The following CT55 variants were observed in gnomAD, a reference collection of about 807,000 sequenced individuals.
The protein encoded by CT55 is cancer/testis antigen 55.
CT55 carries 1 observed loss-of-function variant against 12.6 expected under a neutral mutation model. The observed-to-expected ratio is 0.08, with a 90% CI of 0.03 to 0.38. CT55 has a LOEUF of 0.38. Among genes scored for constraint, CT55 ranks in the 10% least tolerant of loss-of-function variants. The pLI is 0.99. For synonymous variants in CT55, 43 were observed against 49.7 expected, an observed-to-expected ratio of 0.87 and a Z score of 0.57; for missense variants, 109 against 135.4, an observed-to-expected ratio of 0.80 and a Z score of 0.97.
chrX:135,161,570 A>G (rs782192764), intron 2 of CT55, among the ~76,000 whole-genome samples: 2 of 112,305 alleles, frequency 1.8e-5, no homozygotes, highest in Admixed American at 1.9e-4. Flanking sequence ...AATCCCAATT[A>G]ATGGATGTGC....
intron 1 of CT55, 69 bp from the exon 2 acceptor site, chrX:135,169,847 C>T (rs2083603106): frequency 6.2e-5 from 48 of 770,445 alleles, no homozygotes; most frequent in Non-Finnish European, 8.5e-5. Flanking sequence ...GTAAGTCTTA[C>T]ACTCACCATC....
At chrX:135,162,854 C>T (rs782229017) in intron 2 of CT55, among the ~76,000 whole-genome samples, 1 of 111,579 alleles carries the variant, frequency 9.0e-6, no homozygotes, top group Non-Finnish European at 1.9e-5. Flanking sequence ...ATTCCAGTGG[C>T]CTTATGCTCA....
In CT55 at chrX:135,160,546, C is replaced by T. The variant is rs782114901; in HGVS notation, c.289G>A (p.Val97Met). The T allele has an allele frequency of 8.4e-7, 1 of 1,184,337 alleles. No individual in the cohort carries two copies. Among genetic ancestry groups the T allele is most frequent in the Admixed American group, 2.6e-5 (1 of 38,966 alleles). Residue 97 changes from valine to methionine, a missense_variant, in exon 3 of 6, where the codon GTG (valine) becomes ATG (methionine). Val to Met is a conservative substitution (Grantham distance 21). Coordinates refer to ENST00000276241, the MANE Select transcript of CT55 (RefSeq NM_001031705.3). ...CCAGCACCATAAAGATGGCGAGGCA[C>T]AACATCCACCTGTAAGATTTAGGAA... ...YGLRAIKVDVVPRHLYGAGPS... is the reference protein window; with the variant it reads ...YGLRAIKVDVMPRHLYGAGPS...
chrX:135,163,426 G>A (rs192331646), intron 2 of CT55, among the ~76,000 whole-genome samples: 5 of 111,900 alleles, frequency 4.5e-5, no homozygotes, highest in Admixed American at 2.8e-4. Flanking sequence ...GGAAGTACAC[G>A]ATAGAGAACA....
intron 2 of CT55, among the ~76,000 whole-genome samples, chrX:135,162,577 A>G (rs187934681): frequency 2.6e-4 from 29 of 112,058 alleles, no homozygotes; most frequent in African/African-American, 9.4e-4. Context: ...TAGTAAGGAC[A>G]GTTTTACATT....
Position 135,171,275 on chromosome X carries a change from C to A in CT55, c.-104G>T. ...AGGTCACGGCGTCTCCTCAGGGACT[C>A]ACTTCCTGCTTCTCCTCAGACACTG... On this transcript the variant is annotated 5_prime_UTR_variant, in exon 1 of 6. The change abolishes the stop of an existing upstream ORF in the 5' untranslated region. Coordinates refer to ENST00000276241, the MANE Select transcript of CT55 (RefSeq NM_001031705.3). 3.5e-6 allele frequency: 4 copies of A among 1,137,837 alleles called. No individual in the cohort carries two copies. Among genetic ancestry groups the A allele is most frequent in the Non-Finnish European group, 4.7e-6 (4 of 853,649 alleles). 93.8% of individuals were successfully genotyped at this position (1,137,837 alleles called of 1,213,427 possible).
At chrX:135,159,261 C>A (rs2083551688) in intron 3 of CT55, among the ~76,000 whole-genome samples, 1 of 109,378 alleles carries the variant, frequency 9.1e-6, no homozygotes, top group African/African-American at 3.3e-5. Context: ...ACATACATTT[C>A]TTTTGTGTGG....
At chrX:135,158,039 G>T (rs2083544369) in intron 4 of CT55, among the ~76,000 whole-genome samples, 160 bp downstream of exon 4, 1 of 104,508 alleles carries the variant, frequency 9.6e-6, no homozygotes, top group East Asian at 3.0e-4. Context: ...GGAAAATTCT[G>T]CCTTTTCAAT....
intron 2 of CT55, among the ~76,000 whole-genome samples, chrX:135,169,036 G>A (rs1418270112): frequency 8.0e-5 from 9 of 112,268 alleles, no homozygotes; most frequent in African/African-American, 2.9e-4. Context: ...CAGATGGGCA[G>A]TCTCACCTCC....
intron 2 of CT55, among the ~76,000 whole-genome samples, chrX:135,161,443 T>C (rs1206507051): frequency 8.9e-6 from 1 of 112,209 alleles, no homozygotes; most frequent in African/African-American, 3.2e-5. Flanking sequence ...CAAATATATA[T>C]ACATGTGTAA....
chrX:135,162,187 T>A (rs1292113834), intron 2 of CT55, among the ~76,000 whole-genome samples: 1 of 112,800 alleles, frequency 8.9e-6, no homozygotes, highest in African/African-American at 3.2e-5. Flanking sequence ...AAGATGTGGA[T>A]CCTTCTCTCA....
In CT55 at chrX:135,171,240, G is replaced by T; in HGVS notation, c.-69C>A. On this transcript the variant is annotated 5_prime_UTR_variant, in exon 1 of 6. Coordinates refer to ENST00000276241, the MANE Select transcript of CT55 (RefSeq NM_001031705.3). The stretch of plus-strand genomic sequence containing the variant: ...TGAAGCACGAGGCCTCCTCAGTAAG[G>T]GAAGCCCTCAGGTCACGGCGTCTCC... The T allele has an allele frequency of 8.4e-7, 1 of 1,195,831 alleles. No individual in the cohort carries two copies. The highest frequency in any genetic ancestry group is 1.1e-6 in the Non-Finnish European group (1 of 886,466).
At chrX:135,165,766 C>G (rs1441135552) in intron 2 of CT55, among the ~76,000 whole-genome samples, 2 of 109,965 alleles carry the variant, frequency 1.8e-5, no homozygotes, top group African/African-American at 6.6e-5. Context: ...CAAAACAAAA[C>G]GTATCATAAG....
intron 1 of CT55, among the ~76,000 whole-genome samples, chrX:135,170,267 A>G (rs1231120414): frequency 8.9e-6 from 1 of 112,349 alleles, no homozygotes; most frequent in East Asian, 2.8e-4. Context: ...TGGAACTCCC[A>G]AAGAGCTGGG....
intron 3 of CT55, 121 bp downstream of exon 3, chrX:135,160,290 T>G: frequency 1.4e-6 from 1 of 708,842 alleles, no homozygotes; most frequent in Non-Finnish European, 2.0e-6. Flanking sequence ...ATTGGAACAG[T>G]CTACCTCTAA....
At chrX:135,164,314 T>C (rs2083574239) in intron 2 of CT55, among the ~76,000 whole-genome samples, 1 of 112,123 alleles carries the variant, frequency 8.9e-6, no homozygotes, top group Non-Finnish European at 1.9e-5. Flanking sequence ...AGTTAAATAG[T>C]AAAGTGTTTG....
chrX:135,169,888 C>G, intron 1 of CT55, 110 bp from the exon 2 acceptor site: 1 of 399,165 alleles, frequency 2.5e-6, no homozygotes, highest in Non-Finnish European at 4.0e-6. Context: ...AGTTTTATAA[C>G]GTCTCTGACC....
At chrX:135,161,979 C>T (rs1556405254) in intron 2 of CT55, among the ~76,000 whole-genome samples, 2 of 112,839 alleles carry the variant, frequency 1.8e-5, no homozygotes. Context: ...CATATGCAGA[C>T]TAAAGCTTTG....
intron 2 of CT55, 109 bp from the exon 3 acceptor site, chrX:135,160,664 C>T (rs1556405038): frequency 2.3e-6 from 2 of 877,027 alleles, no homozygotes; most frequent in Admixed American, 4.1e-5. Flanking sequence ...CCATCCTAAA[C>T]ACTGGAGAAT....
Sources: gnomAD v4.1 joint callset for allele counts (sites outside exome capture counted in the v4.1 genomes callset) on GRCh38, gnomAD v4.1.1 for gene constraint, MANE v1.5 for transcripts, NCBI Gene and HGNC (gene_info 2026-07-23, HGNC 2026-07-21) for gene names.